SEMA3D: variants seen among roughly 807,000 people sequenced by gnomAD.
SEMA3D encodes semaphorin-3D.
In SEMA3D, 84 loss-of-function variants were observed where a neutral mutation model predicts 100.1. That is an observed-to-expected ratio of 0.84 (90% CI 0.70 to 1.01). SEMA3D has a LOEUF of 1.01. SEMA3D is among the 50% of genes least tolerant of loss of function. The pLI is 0.00. For synonymous variants in SEMA3D, 312 were observed against 320.7 expected, an observed-to-expected ratio of 0.97 and a Z score of 0.29; for missense variants, 875 against 934.1, an observed-to-expected ratio of 0.94 and a Z score of 0.82.
At chr7:85,161,790 T>C (rs1035063499) in intron 1 of SEMA3D, among the ~76,000 whole-genome samples, 3 of 152,162 alleles carry the variant, frequency 2.0e-5, no homozygotes, top group Admixed American at 6.6e-5. Flanking sequence ...GATTATGATA[T>C]TTGAGTTAGC....
rs551003233 is a variant in SEMA3D at position 85,060,086 on chromosome 7, T to C, written c.719-4227A>G. Reference sequence around the variant, plus strand: ...TTCAACTGATATATGCCATAGACAGTCTTATTCTGTTTATTCAGTCATTAT... The same window carrying C: ...TTCAACTGATATATGCCATAGACAGCCTTATTCTGTTTATTCAGTCATTAT... On this transcript the variant is annotated intron_variant, in intron 8 of 18. Transcript: ENST00000284136. 7.9e-5 allele frequency among the ~76,000 whole-genome samples: 12 copies of C among 152,312 alleles called. No individual in the cohort carries two copies. In the East Asian group the frequency reaches 2.3e-3, roughly 29 times the overall value.
chr7:85,054,210 G>T (rs1181063395), intron 9 of SEMA3D, among the ~76,000 whole-genome samples: 3 of 151,866 alleles, frequency 2.0e-5, no homozygotes, highest in African/African-American at 7.3e-5. Context: ...AATAAGCATT[G>T]AACTGGTGCA....
chr7:85,020,339 C>T lies in SEMA3D; in HGVS notation c.1415-18G>A. The T allele has an allele frequency of 6.4e-7, 1 of 1,574,630 alleles. No individual in the cohort carries two copies. The highest frequency in any genetic ancestry group is 8.7e-7 in the Non-Finnish European group (1 of 1,146,242). On this transcript the variant is annotated intron_variant, in intron 13 of 18. Coordinates refer to ENST00000284136, the MANE Select transcript of SEMA3D (RefSeq NM_001384900.1). ...TCCAATGTCTGAAAAAATGCATAAC[C>T]CATGATCCCATTGTTTCTATCTCAA...
chr7:85,160,556 G>A lies in SEMA3D; in HGVS notation c.-172-6817C>T, dbSNP rs906404543. On this transcript the variant is annotated intron_variant, in intron 1 of 18. Coordinates refer to ENST00000284136, the MANE Select transcript of SEMA3D (RefSeq NM_001384900.1). ...CCTGACTCTCTGCCTGTAGAAACAC[G>A]CATCATCATTCTAATGAGAACCTTG... Among the ~76,000 whole-genome samples the A allele has an allele frequency of 5.3e-5, 8 of 152,066 alleles. No individual in the cohort carries two copies. In the South Asian group the frequency reaches 1.0e-3, roughly 20 times the overall value.
chr7:85,098,193 G>A (rs568709642), intron 3 of SEMA3D, among the ~76,000 whole-genome samples: 2 of 151,696 alleles, frequency 1.3e-5, no homozygotes, highest in African/African-American at 4.8e-5. Flanking sequence ...AATACATACA[G>A]CATAAAAGGG....
At chr7:85,244,525 G>A in the SEMA3D span, among the ~76,000 whole-genome samples, 1 of 152,120 alleles carries the variant, frequency 6.6e-6, no homozygotes, top group African/African-American at 2.4e-5. Flanking sequence ...AATGGTGCAA[G>A]CCACATATCA....
chr7:85,166,885 G>C (rs1790921567), intron 1 of SEMA3D, among the ~76,000 whole-genome samples: 3 of 151,938 alleles, frequency 2.0e-5, no homozygotes, highest in Admixed American at 2.0e-4. Context: ...AAGTGGATAA[G>C]AAAACATGAG....
At chr7:85,102,733 A>G (rs1014165177) in intron 3 of SEMA3D, among the ~76,000 whole-genome samples, 2 of 152,054 alleles carry the variant, frequency 1.3e-5, no homozygotes, top group African/African-American at 4.8e-5. Flanking sequence ...TGAATCCCTG[A>G]ATTACGGCAA....
intron 4 of SEMA3D, among the ~76,000 whole-genome samples, chr7:85,097,068 C>CTTAG (rs1308440994): frequency 6.6e-5 from 10 of 151,734 alleles, no homozygotes; most frequent in African/African-American, 2.4e-4. Flanking sequence ...CTCTGCCAGT[C>CTTAG]TTAGCATCTA....
At chr7:85,210,236 C>T in the SEMA3D span, among the ~76,000 whole-genome samples, 1 of 152,132 alleles carries the variant, frequency 6.6e-6, no homozygotes, top group South Asian at 2.1e-4. Flanking sequence ...GGAAGATAAC[C>T]TATTAGTTAT....
chr7:85,162,028 A>AAT (rs1283486206), intron 1 of SEMA3D, among the ~76,000 whole-genome samples: 2 of 152,206 alleles, frequency 1.3e-5, no homozygotes, highest in East Asian at 3.9e-4. Flanking sequence ...TTTGAGAGTC[A>AAT]ATATAATAAT....
chr7:85,239,000 T>C, the SEMA3D span, among the ~76,000 whole-genome samples: 10,243 of 152,182 alleles, frequency 0.067, 917 homozygotes, highest in African/African-American at 0.2. Context: ...AAATTGTATT[T>C]ATTATTTTTA....
chr7:85,173,724 C>T (rs1291615636), intron 1 of SEMA3D, among the ~76,000 whole-genome samples: 7 of 152,092 alleles, frequency 4.6e-5, no homozygotes, highest in Non-Finnish European at 8.8e-5. Context: ...GTGTTCCTCA[C>T]AATAACTCTG....
chr7:85,038,680 G>T (rs771821150), intron 11 of SEMA3D, among the ~76,000 whole-genome samples: 24 of 152,150 alleles, frequency 1.6e-4, no homozygotes, highest in Non-Finnish European at 3.2e-4. Flanking sequence ...TTCAAAGAAA[G>T]TTCTGCAATT....
At chr7:85,119,013 CTCAACATCATTGA>C (rs2116394151) in intron 3 of SEMA3D, among the ~76,000 whole-genome samples, 1 of 147,934 alleles carries the variant, frequency 6.8e-6, no homozygotes, top group African/African-American at 2.5e-5. Context: ...AAAAAAAAAA[CTCAACATCATTGA>C]TCATTACAGA....
intron 1 of SEMA3D, among the ~76,000 whole-genome samples, chr7:85,171,944 GGTGT>G (rs140105038): frequency 2.0e-5 from 3 of 149,958 alleles, no homozygotes; most frequent in African/African-American, 4.9e-5. Flanking sequence ...ATGCTAAAGC[GGTGT>G]GTGTGTGTGT....
At chr7:85,092,333 T>C (rs1788419569) in intron 4 of SEMA3D, among the ~76,000 whole-genome samples, 1 of 152,044 alleles carries the variant, frequency 6.6e-6, no homozygotes, top group Admixed American at 6.6e-5. Flanking sequence ...ATCTGAGTTT[T>C]ATATTCTATT....
chr7:85,045,329 G>A (rs889025483), intron 9 of SEMA3D, among the ~76,000 whole-genome samples: 1 of 151,928 alleles, frequency 6.6e-6, no homozygotes, highest in Non-Finnish European at 1.5e-5. Context: ...CCAGGCCAAA[G>A]TGTCTGTATG....
intron 4 of SEMA3D, among the ~76,000 whole-genome samples, chr7:85,094,795 C>T (rs998412790): frequency 2.6e-5 from 4 of 151,824 alleles, no homozygotes; most frequent in Non-Finnish European, 5.9e-5. Context: ...ATTCCCTAGC[C>T]GAAGAGAGGC....
Sources: gnomAD v4.1 joint callset for allele counts (sites outside exome capture counted in the v4.1 genomes callset) on GRCh38, gnomAD v4.1.1 for gene constraint, MANE v1.5 for transcripts, NCBI Gene and HGNC (gene_info 2026-07-23, HGNC 2026-07-21) for gene names.